The following CFAP43 variants were observed in gnomAD, a reference collection of about 807,000 sequenced individuals.
CFAP43 encodes the protein cilia- and flagella-associated protein 43.
CFAP43 carries 155 observed loss-of-function variants against 218.9 expected under a neutral mutation model. That is an observed-to-expected ratio of 0.71 (90% CI 0.62 to 0.81). The LOEUF is 0.81. Ranked by LOEUF, CFAP43 falls within the 30% of genes least tolerant of loss-of-function variation. CFAP43 has a pLI of 0.00. For synonymous variants in CFAP43, 645 were observed against 681.3 expected (o/e 0.95, Z 0.83); for missense variants, 1,778 against 1,954.3 (o/e 0.91, Z 1.70).
chr10:104,179,818 C>G, intron 18 of CFAP43, 22 bp downstream of exon 18: 1 of 1,584,766 alleles, frequency 6.3e-7, no homozygotes, highest in African/African-American at 1.3e-5. Context: ...TATTTCAAAC[C>G]TACCCCATGT....
chr10:104,172,824 A>C (rs2134848678), intron 19 of CFAP43, among the ~76,000 whole-genome samples: 1 of 152,300 alleles, frequency 6.6e-6, no homozygotes, highest in African/African-American at 2.4e-5. Flanking sequence ...CACTAACAGC[A>C]TTGTGGTTAT....
intron 1 of CFAP43, among the ~76,000 whole-genome samples, chr10:104,231,609 G>A (rs115703553): frequency 1.6e-3 from 249 of 152,288 alleles, no homozygotes; most frequent in African/African-American, 5.7e-3. Flanking sequence ...AGCAGGGGAT[G>A]CTGTATAGAG....
At chr10:104,162,174 G>T in intron 25 of CFAP43, 133 bp from the exon 26 acceptor site, 1 of 1,229,948 alleles carries the variant, frequency 8.1e-7, no homozygotes, top group Non-Finnish European at 1.2e-6. Context: ...GTGCCTGGAG[G>T]AGAGAAGGGG....
chr10:104,160,903 A>G (rs10786785), intron 27 of CFAP43, 134 bp downstream of exon 27: 1 of 881,638 alleles, frequency 1.1e-6, no homozygotes, highest in East Asian at 2.9e-5. Context: ...TACTTCTCCA[A>G]ATTCTCTTGA....
rs758952794 is a variant in CFAP43 at position 104,196,925 on chromosome 10, TGTAA to T, written c.1217_1220del (p.Leu406HisfsTer17). 7 of 1,608,286 alleles carry T rather than the reference TGTAA, an allele frequency of 4.4e-6. No homozygotes were observed. Among genetic ancestry groups the T allele is most frequent in the Admixed American group, 3.4e-5 (2 of 58,722 alleles). On this transcript the variant is annotated frameshift_variant, in exon 10 of 38. Coordinates refer to ENST00000357060, the MANE Select transcript of CFAP43 (RefSeq NM_025145.7). LOFTEE classifies it high-confidence loss of function. Reference sequence around the variant, plus strand: ...ACCAAACACAAATTTCCCCTGAATATGTAAGTGTCTGTAAAAAAAGAAAAACAAA... The same window carrying T: ...ACCAAACACAAATTTCCCCTGAATATGTGTCTGTAAAAAAAGAAAAACAAA...
intron 8 of CFAP43, among the ~76,000 whole-genome samples, chr10:104,199,462 C>T (rs2090469043): frequency 6.6e-6 from 1 of 152,222 alleles, no homozygotes; most frequent in Non-Finnish European, 1.5e-5. Context: ...CAGCGCCAGT[C>T]ACTGCTTTAG....
chr10:104,197,890 G>T, intron 9 of CFAP43, 32 bp downstream of exon 9: 1 of 1,375,954 alleles, frequency 7.3e-7, no homozygotes, highest in Non-Finnish European at 1.0e-6. Context: ...CGTATCTTTA[G>T]TCCTACTGTG....
At chr10:104,191,251 T>C (rs1332645310) in intron 12 of CFAP43, among the ~76,000 whole-genome samples, 6 of 152,216 alleles carry the variant, frequency 3.9e-5, no homozygotes, top group Non-Finnish European at 5.9e-5. Context: ...TTCCAGACTC[T>C]TTGGAATGAT....
At chr10:104,134,882 G>A (rs1386970167) in intron 34 of CFAP43, among the ~76,000 whole-genome samples, 2 of 152,072 alleles carry the variant, frequency 1.3e-5, no homozygotes, top group East Asian at 3.9e-4. Flanking sequence ...TATTATATGA[G>A]GCCAGCAGTA....
Position 104,232,257 on chromosome 10 carries a change from T to G in CFAP43, c.-11A>C. On this transcript the variant is annotated 5_prime_UTR_variant, in exon 1 of 38. Transcript: ENST00000357060. ...CCGGCCTTGCGCCATGGGCAGTGTT[T>G]TCCTCAGGCGGGAGCAGGCAGCGCA... 6.3e-7 allele frequency: 1 copy of G among 1,599,398 alleles called. No individual in the cohort carries two copies. Among genetic ancestry groups the G allele is most frequent in the African/African-American group, 1.3e-5 (1 of 74,686 alleles).
At chr10:104,136,349 CTTATTTTATTTTATT>C (rs556302792) in intron 34 of CFAP43, among the ~76,000 whole-genome samples, 8 of 148,198 alleles carry the variant, frequency 5.4e-5, no homozygotes, top group East Asian at 2.0e-4. Flanking sequence ...TAGATATTTA[CTTATTTTATTTTATT>C]TTATTTTATT....
At position 104,185,130 on chromosome 10, in the gene CFAP43, C is replaced by T. The variant is rs759593089; in HGVS notation, c.2027G>A (p.Cys676Tyr). 5.0e-6 allele frequency: 8 copies of T among 1,613,762 alleles called. No individual in the cohort carries two copies. The highest frequency in any genetic ancestry group is 6.8e-6 in the Non-Finnish European group (8 of 1,179,974). ...DVYTLETFAWCRSHSHQGHGI... is the reference protein window; with the variant it reads ...DVYTLETFAWYRSHSHQGHGI... ...ATGACCCTGGTGAGAATGACTCCGA[C>T]ACCAAGCAAATGTTTCCTCAATAGT... is the stretch of plus-strand genomic sequence containing the variant. The change falls in exon 16 of 38, where the codon TGT (cysteine) becomes TAT (tyrosine). Residue 676 changes from cysteine (C) to tyrosine (Y), a missense_variant. Transcript: ENST00000357060.
At chr10:104,149,291 C>A (rs917931453) in intron 28 of CFAP43, among the ~76,000 whole-genome samples, 24 of 152,190 alleles carry the variant, frequency 1.6e-4, no homozygotes, top group African/African-American at 5.5e-4. Context: ...GTGATGTCAG[C>A]AGCTGCAGAT....
chr10:104,148,930 C>T (rs145283907), intron 28 of CFAP43, among the ~76,000 whole-genome samples: 1 of 152,118 alleles, frequency 6.6e-6, no homozygotes, highest in South Asian at 2.1e-4. Context: ...ATAATCTGTA[C>T]AACAAACTCC....
chr10:104,197,940 A>G lies in CFAP43; in HGVS notation c.1194T>C (p.Pro398=). The change falls in exon 9 of 38, where the codon CCT becomes CCC. Residue 398 remains proline (P), a synonymous_variant. Transcript: ENST00000357060. ...TCTTTACCATGAAGTATTGGGTTCC[A>G]GGTGTGATAAAGTCAATTGCCTGAA... ...GKFQAIDFIT[P]GTQYFMTLTY... 3 of 1,610,228 alleles carry G rather than the reference A, an allele frequency of 1.9e-6. No individual in the cohort carries two copies. The East Asian group carries it at 6.7e-5, about 36-fold the overall frequency.
intron 27 of CFAP43, among the ~76,000 whole-genome samples, chr10:104,153,771 TC>T (rs1564729171): frequency 6.6e-6 from 1 of 151,940 alleles, no homozygotes; most frequent in African/African-American, 2.4e-5. Context: ...TTTCTCTCTC[TC>T]TCTCTCTCTC....
rs11191947 is a variant in CFAP43 at position 104,203,795 on chromosome 10, A to G, written c.972T>C (p.Phe324=). ...EGVLASGIDG[F]VYSFIIKDRS... is the part of the protein sequence containing the mutation. Reference sequence around the variant, plus strand: ...TATCTTTAATAATAAAAGAATACACAAAGCCATCCTAGAGATGAGTGAGAT... The same window carrying G: ...TATCTTTAATAATAAAAGAATACACGAAGCCATCCTAGAGATGAGTGAGAT... Residue 324 remains phenylalanine (F), a synonymous_variant, in exon 8 of 38, where the codon TTT becomes TTC. Transcript: ENST00000357060. 91,348 of 1,602,310 alleles carry G rather than the reference A, an allele frequency of 0.057. 3,252 individuals are homozygous for G. Among genetic ancestry groups the G allele is most frequent in the South Asian group, 0.13 (11,171 of 88,382 alleles).
At chr10:104,219,640 G>A (rs779495203) in intron 3 of CFAP43, among the ~76,000 whole-genome samples, 7 of 152,104 alleles carry the variant, frequency 4.6e-5, no homozygotes, top group Non-Finnish European at 1.0e-4. Context: ...AAAGTGCCCT[G>A]CATTCATCAG....
rs991343181 is a variant in CFAP43 at position 104,202,110 on chromosome 10, G to T, written c.1095+1562C>A. 3.9e-5 allele frequency among the ~76,000 whole-genome samples: 6 copies of T among 152,128 alleles called. No individual in the cohort carries two copies. In the East Asian group the frequency reaches 9.6e-4, roughly 24 times the overall value. On this transcript the variant is annotated intron_variant, in intron 8 of 37. Coordinates refer to ENST00000357060, the MANE Select transcript of CFAP43 (RefSeq NM_025145.7). ...CCATAAACAATACGTTAGTGGGTGT[G>T]GCTATGTTCCAATAAAATCTTATTT...
Sources: gnomAD v4.1 joint callset for allele counts (sites outside exome capture counted in the v4.1 genomes callset) on GRCh38, gnomAD v4.1.1 for gene constraint, MANE v1.5 for transcripts, NCBI Gene and HGNC (gene_info 2026-07-23, HGNC 2026-07-21) for gene names.